The following RNF213 variants were observed in gnomAD, a reference collection of about 807,000 sequenced individuals.
RNF213 encodes the protein ring finger protein 213, also known as E3 ubiquitin-protein ligase RNF213.
A neutral mutation model predicts 514.4 loss-of-function variants in RNF213; 341 were observed. That is an observed-to-expected ratio of 0.66 (90% CI 0.61 to 0.73). The LOEUF (loss-of-function observed/expected upper bound fraction) is 0.73, where lower values mean the gene tolerates loss of function less well. RNF213 is among the 30% of genes least tolerant of loss of function. The pLI is 0.00. For missense variants in RNF213, 5,767 were observed against 6,615.6 expected (o/e 0.87, Z 4.45); for synonymous variants, 2,655 against 2,658.2 (o/e 1.00, Z 0.04).
intron 13 of RNF213, among the ~76,000 whole-genome samples, chr17:80,307,606 A>G (rs965189847): frequency 3.3e-5 from 5 of 151,162 alleles, no homozygotes; most frequent in African/African-American, 4.9e-5. Context: ...CTGGAGTGCA[A>G]TGGCACCATC....
chr17:80,275,027 G>GGT (rs543372723), intron 3 of RNF213, among the ~76,000 whole-genome samples: 7 of 133,390 alleles, frequency 5.2e-5, no homozygotes, highest in African/African-American at 8.6e-5. Context: ...GTGTGAGTGG[G>GGT]GTGTGTGTGT....
intron 3 of RNF213, among the ~76,000 whole-genome samples, chr17:80,274,980 T>TG (rs2043995412): frequency 5.1e-5 from 2 of 38,994 alleles, no homozygotes; most frequent in Non-Finnish European, 9.0e-5. Context: ...GTGTGTGTGT[T>TG]GGATGTGTGT....
intron 10 of RNF213, 149 bp from the exon 11 acceptor site, chr17:80,298,172 C>G (rs2045030872): frequency 1.3e-6 from 1 of 777,680 alleles, no homozygotes; most frequent in Non-Finnish European, 2.2e-6. Context: ...GAAGCCCTGT[C>G]TCCTGCGTGA....
Position 80,327,947 on chromosome 17 carries a change from A to G in RNF213, c.3325A>G (p.Ile1109Val), listed in dbSNP as rs1450694318. ...GTILVGQLEL[I>V]IKHKNQFLDI... ...GATTTTAGTTGGACAACTGGAGCTG[A>G]TTATAAAGCACAAGAATCAGTTTCT... The change falls in exon 19 of 68, where the codon ATT becomes GTT. Residue 1109 changes from isoleucine to valine, a missense_variant. By Grantham distance (29) the Ile-to-Val change is conservative. Coordinates refer to ENST00000582970, the MANE Select transcript of RNF213 (RefSeq NM_001256071.3). 6.5e-7 allele frequency: 1 copy of G among 1,537,164 alleles called. No individual in the cohort carries two copies. Among genetic ancestry groups the G allele is most frequent in the East Asian group, 2.4e-5 (1 of 40,934 alleles).
At position 80,319,233 on chromosome 17, in the gene RNF213, G is replaced by C; in HGVS notation, c.2945G>C (p.Trp982Ser). 1 of 1,614,196 alleles carries C rather than the reference G, an allele frequency of 6.2e-7. No homozygotes were observed. The highest frequency in any genetic ancestry group is 8.5e-7 in the Non-Finnish European group (1 of 1,180,040). ...ATCACTGCCTACTGCAATAGTTGCT[G>C]GGACACCAAAGGCTTAGAGGACAGT... is the stretch of plus-strand genomic sequence containing the variant. ...SQITAYCNSC[W>S]DTKGLEDSVA... Residue 982 changes from tryptophan to serine, a missense_variant, in exon 17 of 68, where the codon TGG (tryptophan) becomes TCG (serine). Trp to Ser is a radical substitution (Grantham distance 177, BLOSUM62 -3). Coordinates refer to ENST00000582970, the MANE Select transcript of RNF213 (RefSeq NM_001256071.3).
At position 80,313,731 on chromosome 17, in the gene RNF213, G is replaced by A. The variant is rs915124107; in HGVS notation, c.2811+564G>A. Among the ~76,000 whole-genome samples, 188 of 148,084 alleles carry A rather than the reference G, an allele frequency of 1.3e-3. 1 individual carries two copies. The highest frequency in any genetic ancestry group is 1.8e-3 in the Non-Finnish European group (122 of 66,824). ...GGTGATGGAGGTGGTGGTGGTGGAG[G>A]TGACAATGGTGATGCTGGTGGTGGA... On this transcript the variant is annotated intron_variant, in intron 15 of 67. Transcript: ENST00000582970.
At chr17:80,335,607 A>T (rs1004872641) in intron 22 of RNF213, among the ~76,000 whole-genome samples, 1 of 152,188 alleles carries the variant, frequency 6.6e-6, no homozygotes, top group Non-Finnish European at 1.5e-5. Flanking sequence ...AGGAAAGAGC[A>T]TACACAGAAG....
rs755408146 is a variant in RNF213 at position 80,382,993 on chromosome 17, GAC to G, written c.13997_13998del (p.Thr4666ArgfsTer5). On this transcript the variant is annotated frameshift_variant, in exon 58 of 68. Coordinates refer to ENST00000582970, the MANE Select transcript of RNF213 (RefSeq NM_001256071.3). LOFTEE classifies it high-confidence loss of function. ...TTTTTTTGTAGGGCTTTTAAATTTT[GAC>G]ACAGAATTGTCAACTAAAGAAATGA... is the stretch of plus-strand genomic sequence containing the variant. ...QLSSRRLLNF[D>X]TELSTKEMRN... 6.2e-7 allele frequency: 1 copy of G among 1,613,412 alleles called. No individual in the cohort carries two copies. The highest frequency in any genetic ancestry group is 8.5e-7 in the Non-Finnish European group (1 of 1,179,468).
chr17:80,319,580 C>T (rs1599016076), intron 17 of RNF213: 1 of 1,587,130 alleles, frequency 6.3e-7, no homozygotes, highest in East Asian at 2.3e-5. Flanking sequence ...TGGCACAAGT[C>T]ACACGGGCTT....
chr17:80,336,844 T>G (rs780345392), intron 23 of RNF213: 1 of 316,716 alleles, frequency 3.2e-6, no homozygotes, highest in Non-Finnish European at 6.1e-6. Context: ...GAGATAGCAG[T>G]GAACTGAGAT....
chr17:80,352,066 G>A (rs1385378470), intron 32 of RNF213: 3 of 336,492 alleles, frequency 8.9e-6, no homozygotes, highest in Non-Finnish European at 1.7e-5. Flanking sequence ...CGTTGGCCTA[G>A]ATGGTCTCAA....
rs2043558774 is a variant in RNF213 at position 80,264,986 on chromosome 17, G to A, written c.97+1208G>A. Among the ~76,000 whole-genome samples the A allele has an allele frequency of 6.6e-6, 1 of 151,352 alleles. No individual in the cohort carries two copies. The highest frequency in any genetic ancestry group is 6.6e-5 in the Admixed American group (1 of 15,216). On this transcript the variant is annotated intron_variant, in intron 2 of 67. Transcript: ENST00000582970. The surrounding 1 kb of genome is among the most constrained non-coding windows in gnomAD (Gnocchi z 5.0). Reference sequence around the variant, plus strand: ...CAGTCTTTGCCCAGCTGCTCGCCATGGGGTCTCTCCGATGTTGTCCTTCAA... The same window carrying A: ...CAGTCTTTGCCCAGCTGCTCGCCATAGGGTCTCTCCGATGTTGTCCTTCAA...
In RNF213 at chr17:80,385,605, A is replaced by T; in HGVS notation, c.14523A>T (p.Arg4841Ser). 2 of 1,614,110 alleles carry T rather than the reference A, an allele frequency of 1.2e-6. No individual in the cohort carries two copies. The highest frequency in any genetic ancestry group is 1.7e-6 in the Non-Finnish European group (2 of 1,179,968). Reference sequence around the variant, plus strand: ...TGTCCACATGGAACAAACTGAGGAGATCGCTTGAGACGAACGGTTAGTATC... The same window carrying T: ...TGTCCACATGGAACAAACTGAGGAGTTCGCTTGAGACGAACGGTTAGTATC... Reference protein sequence around the residue: ...VFLSTWNKLRRSLETNGEINL... With the variant: ...VFLSTWNKLRSSLETNGEINL... Residue 4841 changes from arginine to serine, a missense_variant, in exon 61 of 68, where the codon AGA (arginine) becomes AGT (serine). Physicochemically the swap from Arg to Ser is moderately radical, Grantham distance 110 (BLOSUM62 -1). Around this residue, in one of 13 missense-constraint regions of RNF213, gnomAD observed 1,245 missense variants for 1,339.0 expected, o/e 0.93. Coordinates refer to ENST00000582970, the MANE Select transcript of RNF213 (RefSeq NM_001256071.3).
In RNF213 at chr17:80,389,387, G is replaced by A. The variant is rs569359718; in HGVS notation, c.15195+20G>A. ...TTAAAGGTGGGTCTCACACCGAAAA[G>A]GAAATCAGCACAGCCCCTCACCCTG... is the stretch of plus-strand genomic sequence containing the variant. On this transcript the variant is annotated intron_variant, in intron 65 of 67. Coordinates refer to ENST00000582970, the MANE Select transcript of RNF213 (RefSeq NM_001256071.3). 2 of 1,610,202 alleles carry A rather than the reference G, an allele frequency of 1.2e-6. No individual in the cohort carries two copies. The highest frequency in any genetic ancestry group is 1.3e-5 in the African/African-American group (1 of 74,950).
chr17:80,289,318 G>C (rs1216617633), intron 5 of RNF213, among the ~76,000 whole-genome samples: 1 of 152,144 alleles, frequency 6.6e-6, no homozygotes, highest in Admixed American at 6.5e-5. Context: ...GGCCAGGCGC[G>C]GTAGCTCACA....
intron 14 of RNF213, among the ~76,000 whole-genome samples, chr17:80,309,532 G>C (rs2045492499): frequency 6.6e-6 from 1 of 152,178 alleles, no homozygotes; most frequent in South Asian, 2.1e-4. Flanking sequence ...GTTGTTTGCA[G>C]AGAACTACGG....
In RNF213 at chr17:80,325,179, G is replaced by A; in HGVS notation, c.3174G>A (p.Lys1058=). The A allele has an allele frequency of 6.5e-7, 1 of 1,534,890 alleles. No individual in the cohort carries two copies. Among genetic ancestry groups the A allele is most frequent in the South Asian group, 1.2e-5 (1 of 84,004 alleles). The change falls in exon 18 of 68, where the codon AAG becomes AAA. Residue 1058 remains lysine, a synonymous_variant. Transcript: ENST00000582970. ...LKHLLTLADV[K]HVFRLCGTDE... is the part of the protein sequence containing the mutation. ...ATCTGCTCACGTTGGCAGATGTCAA[G>A]CACGTCTTCAGATTGTGTGGTATGT...
intron 41 of RNF213, among the ~76,000 whole-genome samples, 199 bp downstream of exon 41, chr17:80,363,989 CG>C (rs1259240399): frequency 1.3e-5 from 2 of 152,188 alleles, no homozygotes; most frequent in Non-Finnish European, 2.9e-5. Flanking sequence ...ACACGAGAGG[CG>C]GCTGTGCATT....
Position 80,397,170 on chromosome 17 carries a change from A to G in RNF213, c.*3672A>G, listed in dbSNP as rs545798878. ...CAAATCCAAGGGCTCCTTCACCCTG[A>G]CCACTCTGGAACCCAACAAAGCTGA... On this transcript the variant is annotated 3_prime_UTR_variant, in exon 68 of 68. Transcript: ENST00000582970. 1.3e-5 allele frequency: 2 copies of G among 152,464 alleles called. No homozygotes were observed. The highest frequency in any genetic ancestry group is 4.8e-5 in the African/African-American group (2 of 41,502). 9.4% of individuals were successfully genotyped at this position (152,464 alleles called of 1,614,324 possible). A position where few individuals can be genotyped will look rare whatever the true frequency, so the allele number is the denominator to read the frequency against.
Sources: allele counts gnomAD v4.1 joint callset (sites outside exome capture counted in the v4.1 genomes callset), GRCh38; gene constraint gnomAD v4.1.1; regional missense constraint gnomAD v4.1.1; non-coding constraint Gnocchi (gnomAD v3.1); transcripts MANE v1.5; gene names NCBI Gene and HGNC (gene_info 2026-07-23, HGNC 2026-07-21).